The following SYDE2 variants were observed in gnomAD, a reference collection of about 807,000 sequenced individuals.
SYDE2 encodes rho GTPase-activating protein SYDE2.
In SYDE2, 76 loss-of-function variants were observed where a neutral mutation model predicts 91.5. The observed-to-expected ratio is 0.83, with a 90% CI of 0.69 to 1.01. SYDE2 has a LOEUF of 1.01. Ranked by LOEUF, SYDE2 falls within the 50% of genes least tolerant of loss-of-function variation. The probability of loss-of-function intolerance (pLI) is 0.00; values close to 1 mark genes in which losing one functional copy is unlikely to be tolerated. For missense variants in SYDE2, 1,364 were observed against 1,367.7 expected (o/e 1.00, Z 0.04); for synonymous variants, 513 against 506.4 (o/e 1.01, Z -0.18).
downstream of SYDE2, among the ~76,000 whole-genome samples, chr1:85,156,012 A>G (rs1656873625): frequency 6.6e-6 from 1 of 151,368 alleles, no homozygotes; most frequent in Non-Finnish European, 1.5e-5. Flanking sequence ...CAAATGAACT[A>G]AAAACATAAC....
At chr1:85,197,734 A>C (rs944410942) in intron 1 of SYDE2, among the ~76,000 whole-genome samples, 1 of 152,106 alleles carries the variant, frequency 6.6e-6, no homozygotes, top group African/African-American at 2.4e-5. Flanking sequence ...GGCTCACTGC[A>C]AGCTCCGCCT....
In SYDE2 at chr1:85,200,449, G is replaced by C. The variant is rs1257274201; in HGVS notation, c.548C>G (p.Pro183Arg). ...DRQEGPSFLR[P>R]PAVTVKKLQK... is the part of the protein sequence containing the mutation. ...CAGCTTCTTGACTGTCACTGCCGGC[G>C]GCCTGAGGAAGGAGGGGCCTTCCTG... The change falls in exon 1 of 7, where the codon CCG becomes CGG. Residue 183 changes from proline (P) to arginine (R), a missense_variant. By Grantham distance (103) the Pro-to-Arg change is moderately radical. Transcript: ENST00000341460. 2 of 1,613,914 alleles carry C rather than the reference G, an allele frequency of 1.2e-6. No homozygotes were observed. The highest frequency in any genetic ancestry group is 8.5e-7 in the Non-Finnish European group (1 of 1,179,888).
chr1:85,153,793 G>C (rs1232060571), downstream of SYDE2: 1 of 151,812 alleles, frequency 6.6e-6, no homozygotes, highest in Non-Finnish European at 1.5e-5. Flanking sequence ...TATTTCTCAA[G>C]CTTGCCCATT....
At chr1:85,199,604 A>T (rs1204245941) in intron 1 of SYDE2, among the ~76,000 whole-genome samples, 1 of 152,196 alleles carries the variant, frequency 6.6e-6, no homozygotes, top group Non-Finnish European at 1.5e-5. Context: ...TTTTCACAAT[A>T]AAAAGATTAC....
chr1:85,188,714 G>A (rs72722607), intron 2 of SYDE2, among the ~76,000 whole-genome samples: 23,763 of 152,134 alleles, frequency 0.16, 2,172 homozygotes, highest in East Asian at 0.28. Context: ...GGGAGATGAC[G>A]TAGTTCTATA....
chr1:85,168,456 A>G (rs924774313), intron 5 of SYDE2, among the ~76,000 whole-genome samples: 55 of 152,246 alleles, frequency 3.6e-4, no homozygotes, highest in Non-Finnish European at 2.9e-5. Flanking sequence ...AAGGAACAAC[A>G]GATAAAGTTA....
At chr1:85,187,170 A>G (rs1303682906) in intron 2 of SYDE2, among the ~76,000 whole-genome samples, 1 of 151,662 alleles carries the variant, frequency 6.6e-6, no homozygotes, top group Non-Finnish European at 1.5e-5. Context: ...AATTTACAAG[A>G]AAAAAACAAA....
At chr1:85,197,209 C>T (rs1658619357) in intron 1 of SYDE2, among the ~76,000 whole-genome samples, 1 of 152,096 alleles carries the variant, frequency 6.6e-6, no homozygotes, top group Admixed American at 6.6e-5. Context: ...AGGAACAATT[C>T]GGCCAATCTG....
chr1:85,169,043 C>T lies in SYDE2; in HGVS notation c.2853+1G>A, dbSNP rs765052035. ...GAAAAATGTATACTGGTAATGCTTA[C>T]CTTCTCAATCTCTGGCAGACAATCC... On this transcript the variant is annotated splice_donor_variant, in intron 5 of 6. Transcript: ENST00000341460. LOFTEE classifies it high-confidence loss of function. 1 of 1,613,606 alleles carries T rather than the reference C, an allele frequency of 6.2e-7. No individual in the cohort carries two copies. Among genetic ancestry groups the T allele is most frequent in the Non-Finnish European group, 8.5e-7 (1 of 1,179,580 alleles).
intron 6 of SYDE2, among the ~76,000 whole-genome samples, chr1:85,163,090 T>C (rs766466891): frequency 3.9e-5 from 6 of 152,014 alleles, no homozygotes; most frequent in Non-Finnish European, 8.8e-5. Context: ...GCTTTAACTT[T>C]CCAAATTTTA....
intron 4 of SYDE2, among the ~76,000 whole-genome samples, chr1:85,174,710 C>T (rs985720345): frequency 6.6e-6 from 1 of 151,112 alleles, no homozygotes; most frequent in African/African-American, 2.4e-5. Flanking sequence ...GTTACTCAGA[C>T]CAAATGGCTC....
chr1:85,199,632 G>A (rs1008593364), intron 1 of SYDE2, among the ~76,000 whole-genome samples: 2 of 152,046 alleles, frequency 1.3e-5, no homozygotes, highest in African/African-American at 4.8e-5. Flanking sequence ...AGGTTTCTTT[G>A]TCGGGGGGAG....
intron 4 of SYDE2, among the ~76,000 whole-genome samples, chr1:85,177,749 C>T (rs760948741): frequency 1.3e-5 from 2 of 152,226 alleles, no homozygotes; most frequent in African/African-American, 4.8e-5. Flanking sequence ...ATCACTCCCC[C>T]ACTCAAAAAA....
At chr1:85,185,993 T>C (rs1013273342) in intron 2 of SYDE2, among the ~76,000 whole-genome samples, 3 of 151,930 alleles carry the variant, frequency 2.0e-5, no homozygotes, top group Admixed American at 6.6e-5. Flanking sequence ...TTATTGAGAG[T>C]TTTTAGCATG....
intron 2 of SYDE2, 83 bp downstream of exon 2, chr1:85,189,974 C>T (rs1658297207): frequency 9.3e-7 from 1 of 1,070,124 alleles, no homozygotes; most frequent in South Asian, 1.7e-5. Flanking sequence ...ATATAACAAA[C>T]ATCTTTTATA....
chr1:85,163,445 C>CCATATATATA (rs1553170238), intron 6 of SYDE2, among the ~76,000 whole-genome samples: 2 of 87,608 alleles, frequency 2.3e-5, no homozygotes, highest in Admixed American at 1.5e-4. Context: ...GTACTTTAAT[C>CCATATATATA]TATATATATA....
At chr1:85,166,412 T>C (rs1435394356) in intron 5 of SYDE2, among the ~76,000 whole-genome samples, 1 of 151,948 alleles carries the variant, frequency 6.6e-6, no homozygotes, top group Non-Finnish European at 1.5e-5. Flanking sequence ...AAAAATCTTA[T>C]TTAAAGAAAA....
intron 1 of SYDE2, among the ~76,000 whole-genome samples, chr1:85,192,211 C>T (rs1658396033): frequency 6.6e-6 from 1 of 152,026 alleles, no homozygotes; most frequent in African/African-American, 2.4e-5. Context: ...TCCAAATGTC[C>T]AGCCTGGGCA....
At chr1:85,195,308 T>G (rs1658543927) in intron 1 of SYDE2, among the ~76,000 whole-genome samples, 1 of 152,240 alleles carries the variant, frequency 6.6e-6, no homozygotes, top group South Asian at 2.1e-4. Flanking sequence ...TGTTTAAATC[T>G]GTTTTAAAAG....
Sources: gnomAD v4.1 joint callset for allele counts (sites outside exome capture counted in the v4.1 genomes callset) on GRCh38, gnomAD v4.1.1 for gene constraint, MANE v1.5 for transcripts, NCBI Gene and HGNC (gene_info 2026-07-23, HGNC 2026-07-21) for gene names.